PHF13: variants seen among roughly 807,000 people sequenced by gnomAD.
PHF13 encodes PHD zinc finger protein PHF5.
Under a neutral mutation model 25.8 loss-of-function variants are expected in PHF13, and 1 was observed. The observed-to-expected ratio is 0.04, with a 90% confidence interval of 0.01 to 0.18. The LOEUF (loss-of-function observed/expected upper bound fraction) is 0.18, where lower values mean the gene tolerates loss of function less well. PHF13 is among the 10% of genes least tolerant of loss of function. The probability of loss-of-function intolerance (pLI) is 1.00; values close to 1 mark genes in which losing one functional copy is unlikely to be tolerated. For synonymous variants in PHF13, 195 were observed against 162.4 expected (o/e 1.20, Z -1.53); for missense variants, 306 against 403.2 (o/e 0.76, Z 2.06).
chr1:6,621,383 C>T lies in PHF13; in HGVS notation c.677-28C>T. The T allele has an allele frequency of 6.2e-7, 1 of 1,608,356 alleles. No individual in the cohort carries two copies. Among genetic ancestry groups the T allele is most frequent in the Non-Finnish European group, 8.5e-7 (1 of 1,175,036 alleles). Reference sequence around the variant, plus strand: ...GCGAGGAATGATGGGAATTTCTCTTCCCTCCTTGAGAGTATCTTTCCTTCC... The same window carrying T: ...GCGAGGAATGATGGGAATTTCTCTTTCCTCCTTGAGAGTATCTTTCCTTCC... On this transcript the variant is annotated intron_variant, in intron 3 of 3. Coordinates refer to ENST00000377648, the MANE Select transcript of PHF13 (RefSeq NM_153812.3). The surrounding 1 kb of genome is among the most constrained non-coding windows in gnomAD (Gnocchi z 4.8).
At chr1:6,614,145 C>G in intron 1 of PHF13, 40 bp downstream of exon 1, 1 of 1,588,070 alleles carries the variant, frequency 6.3e-7, no homozygotes, top group Non-Finnish European at 8.6e-7. Context: ...CCGACCACCC[C>G]CTCCGCGATC....
At position 6,621,683 on chromosome 1, in the gene PHF13, G is replaced by GTGGAAT; in HGVS notation, c.*46_*47insTGGAAT. On this transcript the variant is annotated 3_prime_UTR_variant, in exon 4 of 4. Coordinates refer to ENST00000377648, the MANE Select transcript of PHF13 (RefSeq NM_153812.3). The surrounding 1 kb of genome is among the most constrained non-coding windows in gnomAD (Gnocchi z 4.8). ...TGCGAGCGTGGAATCGGAAGCGACC[G>GTGGAAT]CGGGCTTTTTTGCCCTTCTCTTAGT... 1 of 1,593,024 alleles carries GTGGAAT rather than the reference G, an allele frequency of 6.3e-7. No homozygotes were observed. The highest frequency in any genetic ancestry group is 8.6e-7 in the Non-Finnish European group (1 of 1,163,246).
At chr1:6,618,322 A>G (rs1641290212) in intron 2 of PHF13, among the ~76,000 whole-genome samples, 1 of 152,158 alleles carries the variant, frequency 6.6e-6, no homozygotes, top group African/African-American at 2.4e-5. Flanking sequence ...TAGTAGATAC[A>G]AGGTTTCGCC....
intron 1 of PHF13, among the ~76,000 whole-genome samples, chr1:6,615,260 TCTG>T (rs1641242908): frequency 6.6e-6 from 1 of 152,006 alleles, no homozygotes; most frequent in Non-Finnish European, 1.5e-5. Context: ...TTGACCCACT[TCTG>T]CTGGTTCCCC....
chr1:6,614,734 C>T (rs997738848), intron 1 of PHF13: 3 of 149,486 alleles, frequency 2.0e-5, no homozygotes, highest in Non-Finnish European at 3.0e-5. Context: ...GCGCTGGCCT[C>T]TCTCTTCGGG....
intron 1 of PHF13, among the ~76,000 whole-genome samples, chr1:6,615,351 G>A (rs955480233): frequency 2.0e-5 from 3 of 152,242 alleles, no homozygotes; most frequent in Admixed American, 6.5e-5. Flanking sequence ...AGGCTCGCCA[G>A]TGCGGGGAGC....
At chr1:6,616,025 A>AT (rs5772244) in intron 1 of PHF13, among the ~76,000 whole-genome samples, 32,096 of 91,382 alleles carry the variant, frequency 0.35, 6,480 homozygotes, top group Middle Eastern at 0.48. Context: ...TGAGTGGTTG[A>AT]TTTTTTTTTT....
At chr1:6,617,480 C>G (rs1293970432) in intron 2 of PHF13, among the ~76,000 whole-genome samples, 1 of 152,216 alleles carries the variant, frequency 6.6e-6, no homozygotes. Flanking sequence ...CTCTGTCGCC[C>G]AGGCTGGAGT....
At position 6,623,644 on chromosome 1, in the gene PHF13, T is replaced by A. The variant is rs1233458155; in HGVS notation, c.*2007T>A. 1 of 152,696 alleles carries A rather than the reference T, an allele frequency of 6.5e-6. No individual in the cohort carries two copies. The highest frequency in any genetic ancestry group is 1.5e-5 in the Non-Finnish European group (1 of 68,056). The allele number at this position is 152,696 out of a possible 1,614,324, so 9.5% of individuals were successfully genotyped here. ...GAATGCATGTGATACTCATCTCCAT[T>A]TTGTTTCCTTGATTGCATTTTTGTT... On this transcript the variant is annotated 3_prime_UTR_variant, in exon 4 of 4. Coordinates refer to ENST00000377648, the MANE Select transcript of PHF13 (RefSeq NM_153812.3).
chr1:6,621,780 G>A lies in PHF13; in HGVS notation c.*143G>A. On this transcript the variant is annotated 3_prime_UTR_variant, in exon 4 of 4. Transcript: ENST00000377648. This position sits in a 1 kb window ranked among gnomAD's most constrained non-coding sequence, Gnocchi z 4.8. The stretch of plus-strand genomic sequence containing the variant: ...AGGTGCCTAAGCAAAAGGACAGGCT[G>A]TCCAAGGTAGAAACTGTACATAGCC... 1.2e-6 allele frequency: 1 copy of A among 805,258 alleles called. No homozygotes were observed. Among genetic ancestry groups the A allele is most frequent in the Non-Finnish European group, 2.0e-6 (1 of 502,368 alleles). 49.9% of individuals were successfully genotyped at this position (805,258 alleles called of 1,614,324 possible).
At position 6,614,011 on chromosome 1, in the gene PHF13, G is replaced by C. The variant is rs1641210824; in HGVS notation, c.-56G>C. 3.7e-6 allele frequency: 5 copies of C among 1,358,878 alleles called. No homozygotes were observed. Among genetic ancestry groups the C allele is most frequent in the Non-Finnish European group, 4.0e-6 (4 of 998,922 alleles). The allele number at this position is 1,358,878 out of a possible 1,614,324, so 84.2% of individuals were successfully genotyped here. On this transcript the variant is annotated 5_prime_UTR_variant, in exon 1 of 4. Transcript: ENST00000377648. ...CGAGCCCCCAGCCCCGGGCGGCCCCGCTCCAGCATCCCAGCTCCTGCACTC... is the reference window on the plus strand; with the variant it reads ...CGAGCCCCCAGCCCCGGGCGGCCCCCCTCCAGCATCCCAGCTCCTGCACTC...
rs766660193 is a variant in PHF13, at chr1:6,619,883, C to T, written c.222C>T (p.Phe74=). The part of the protein sequence containing the change: ...TIDSDGWDAG[F]SDIASSVPLP... ...ACAGCGACGGCTGGGACGCGGGTTT[C>T]TCAGACATCGCGTCCTCAGTGCCCT... The change falls in exon 3 of 4, where the codon TTC becomes TTT. Residue 74 remains phenylalanine, a synonymous_variant. Coordinates refer to ENST00000377648, the MANE Select transcript of PHF13 (RefSeq NM_153812.3). The T allele has an allele frequency of 6.2e-7, 1 of 1,613,920 alleles. No homozygotes were observed. The highest frequency in any genetic ancestry group is 1.3e-5 in the African/African-American group (1 of 75,018).
intron 1 of PHF13, among the ~76,000 whole-genome samples, chr1:6,616,025 A>ATTTTTTTTTTTTTTTTTTTT (rs5772244): frequency 1.1e-5 from 1 of 91,772 alleles, no homozygotes; most frequent in Non-Finnish European, 2.0e-5. Context: ...TGAGTGGTTG[A>ATTTTTTTTTTTTTTTTTTTT]TTTTTTTTTT....
chr1:6,614,392 C>T (rs1353476192), intron 1 of PHF13: 10 of 428,524 alleles, frequency 2.3e-5, no homozygotes, highest in African/African-American at 1.3e-4. Context: ...CCCTCTCCGG[C>T]CTCGCGTCGA....
rs1005417694 is a variant in PHF13 at position 6,622,989 on chromosome 1, T to C, written c.*1352T>C. On this transcript the variant is annotated 3_prime_UTR_variant, in exon 4 of 4. Coordinates refer to ENST00000377648, the MANE Select transcript of PHF13 (RefSeq NM_153812.3). ...AAGTACTTGTTCTCAAAACATTTTC[T>C]AATTGATTGGTAGGTTTTCATAAGC... 5.3e-5 allele frequency: 8 copies of C among 152,264 alleles called. No homozygotes were observed. Among genetic ancestry groups the C allele is most frequent in the Non-Finnish European group, 1.2e-4 (8 of 68,046 alleles). 9.4% of individuals were successfully genotyped at this position (152,264 alleles called of 1,614,324 possible).
intron 1 of PHF13, among the ~76,000 whole-genome samples, chr1:6,616,152 C>T (rs1641257417): frequency 6.6e-6 from 1 of 151,590 alleles, no homozygotes; most frequent in Non-Finnish European, 1.5e-5. Context: ...CCTCAGCCTC[C>T]TGAGTAGTTG....
chr1:6,614,001 G>A lies in PHF13; in HGVS notation c.-66G>A, dbSNP rs1457067452. 8.3e-7 allele frequency: 1 copy of A among 1,199,006 alleles called. No homozygotes were observed. The highest frequency in any genetic ancestry group is 1.2e-6 in the Non-Finnish European group (1 of 864,458). The allele number at this position is 1,199,006 out of a possible 1,614,324, so 74.3% of individuals were successfully genotyped here. A position where few individuals can be genotyped will look rare whatever the true frequency, so the allele number is the denominator to read the frequency against. On this transcript the variant is annotated 5_prime_UTR_variant, in exon 1 of 4. Coordinates refer to ENST00000377648, the MANE Select transcript of PHF13 (RefSeq NM_153812.3). ...CGCAGCCGCCCGAGCCCCCAGCCCCGGGCGGCCCCGCTCCAGCATCCCAGC... is the reference window on the plus strand; with the variant it reads ...CGCAGCCGCCCGAGCCCCCAGCCCCAGGCGGCCCCGCTCCAGCATCCCAGC...
In PHF13 at chr1:6,621,634, C is replaced by T. The variant is rs759437102; in HGVS notation, c.900C>T (p.Asp300=). Residue 300 remains aspartate (D), a synonymous_variant, in exon 4 of 4, where the codon GAC becomes GAT. Coordinates refer to ENST00000377648, the MANE Select transcript of PHF13 (RefSeq NM_153812.3). The surrounding 1 kb of genome is among the most constrained non-coding windows in gnomAD (Gnocchi z 4.8). ...CGGGCTCCCGGAAGCTGTTCCTGGA[C>T]TGACTGCTGGCTGGCGAGGAGGCTG... ...SRTGSRKLFL[D] The T allele has an allele frequency of 6.2e-7, 1 of 1,614,030 alleles. No individual in the cohort carries two copies. Among genetic ancestry groups the T allele is most frequent in the South Asian group, 1.1e-5 (1 of 91,076 alleles).
intron 2 of PHF13, 129 bp downstream of exon 2, chr1:6,616,987 G>A (rs1201757994): frequency 1.2e-5 from 8 of 691,630 alleles, no homozygotes; most frequent in Non-Finnish European, 2.1e-5. Context: ...GGTGACCCCA[G>A]TCACTAGTCT....
Sources: allele counts gnomAD v4.1 joint callset (sites outside exome capture counted in the v4.1 genomes callset), GRCh38; gene constraint gnomAD v4.1.1; non-coding constraint Gnocchi (gnomAD v3.1); transcripts MANE v1.5; gene names NCBI Gene and HGNC (gene_info 2026-07-23, HGNC 2026-07-21).